Variants in PTPN3 observed in about 807,000 individuals in gnomAD.
The protein encoded by PTPN3 is tyrosine-protein phosphatase non-receptor type 3.
PTPN3 carries 96 observed loss-of-function variants against 132.7 expected under a neutral mutation model. That is an observed-to-expected ratio of 0.72 (90% confidence interval 0.61 to 0.86). The LOEUF (loss-of-function observed/expected upper bound fraction) is 0.86, where lower values mean the gene tolerates loss of function less well. PTPN3 is among the 40% of genes least tolerant of loss of function. PTPN3 has a pLI of 0.00. For synonymous variants in PTPN3, 398 were observed against 429.0 expected, an observed-to-expected ratio of 0.93 and a Z score of 0.89; for missense variants, 1,125 against 1,159.6, an observed-to-expected ratio of 0.97 and a Z score of 0.43.
At chr9:109,459,591 G>A (rs1472173326) in intron 2 of PTPN3, among the ~76,000 whole-genome samples, 2 of 152,058 alleles carry the variant, frequency 1.3e-5, no homozygotes, top group Non-Finnish European at 2.9e-5. Flanking sequence ...TTGCTCCACT[G>A]CCCCTGCTGG....
At chr9:109,525,485 A>G in the PTPN3 span, among the ~76,000 whole-genome samples, 2 of 152,216 alleles carry the variant, frequency 1.3e-5, no homozygotes, top group Admixed American at 1.3e-4. Flanking sequence ...AAGATACCCA[A>G]TGCCAGGGCT....
At chr9:109,479,048 C>T (rs12380233) in intron 1 of PTPN3, among the ~76,000 whole-genome samples, 30,477 of 150,156 alleles carry the variant, frequency 0.2, 3,511 homozygotes, top group South Asian at 0.4. Context: ...TAGGACCTAA[C>T]GCTTGCCATT....
At chr9:109,419,545 C>T (rs1842750228) in intron 14 of PTPN3, among the ~76,000 whole-genome samples, 1 of 152,028 alleles carries the variant, frequency 6.6e-6, no homozygotes, top group Non-Finnish European at 1.5e-5. Flanking sequence ...TAATCTATGT[C>T]TTACCTACTT....
At chr9:109,413,184 G>C (rs1035873606) in intron 14 of PTPN3, among the ~76,000 whole-genome samples, 1 of 150,768 alleles carries the variant, frequency 6.6e-6, no homozygotes, top group African/African-American at 2.4e-5. Flanking sequence ...TCGATCTCTT[G>C]ACCTTGTGAT....
At chr9:109,382,063 G>A (rs1481070275) in intron 24 of PTPN3, among the ~76,000 whole-genome samples, 1 of 152,218 alleles carries the variant, frequency 6.6e-6, no homozygotes, top group East Asian at 1.9e-4. Context: ...GCTGACAGAA[G>A]GACAGGAGAA....
chr9:109,534,803 A>AAAACAAACAAAC, the PTPN3 span, among the ~76,000 whole-genome samples: 690 of 150,666 alleles, frequency 4.6e-3, 3 homozygotes, highest in South Asian at 0.011. Flanking sequence ...ACTCCGTCTC[A>AAAACAAACAAAC]AAACAAACAA....
At chr9:109,381,185 C>T (rs1839045152) in intron 25 of PTPN3, among the ~76,000 whole-genome samples, 1 of 152,170 alleles carries the variant, frequency 6.6e-6, no homozygotes, top group Admixed American at 6.5e-5. Context: ...GGGAAATCCC[C>T]AAGAGTTATC....
intron 23 of PTPN3, among the ~76,000 whole-genome samples, chr9:109,382,880 A>G (rs1564370388): frequency 6.6e-6 from 1 of 151,374 alleles, no homozygotes; most frequent in Non-Finnish European, 1.5e-5. Context: ...AGCACTACCT[A>G]TTTCCAGAAC....
At chr9:109,447,512 G>A (rs1844942558) in intron 6 of PTPN3, among the ~76,000 whole-genome samples, 1 of 152,050 alleles carries the variant, frequency 6.6e-6, no homozygotes, top group Non-Finnish European at 1.5e-5. Flanking sequence ...CTGGGGAAGT[G>A]ACTCATTCCT....
upstream of PTPN3, among the ~76,000 whole-genome samples, chr9:109,498,796 C>G (rs1346714445): frequency 6.6e-6 from 1 of 152,176 alleles, no homozygotes; most frequent in African/African-American, 2.4e-5. The surrounding 1 kb of genome is among the most constrained non-coding windows in gnomAD (Gnocchi z 4.2). Context: ...CACCTGCCTT[C>G]CTGCGGATCC....
At position 109,383,416 on chromosome 9, in the gene PTPN3, G is replaced by T. The variant is rs754617584; in HGVS notation, c.2382+7C>A. The T allele has an allele frequency of 4.3e-6, 7 of 1,613,680 alleles. No individual in the cohort carries two copies. Among genetic ancestry groups the T allele is most frequent in the South Asian group, 1.1e-5 (1 of 91,052 alleles). The stretch of plus-strand genomic sequence containing the variant: ...CCCTCCACCGTGCCCCTCAGGCTGC[G>T]GCTCACCTGGGTGTTTGTGACCAGC... On this transcript the variant is annotated splice_region_variant and intron_variant, in intron 23 of 25. Coordinates refer to ENST00000374541, the MANE Select transcript of PTPN3 (RefSeq NM_002829.4).
At chr9:109,406,337 G>T in intron 18 of PTPN3, 125 bp downstream of exon 18, 1 of 1,270,176 alleles carries the variant, frequency 7.9e-7, no homozygotes, top group Non-Finnish European at 1.1e-6. Context: ...GTTATTACCT[G>T]AAGATTCTTG....
In PTPN3 at chr9:109,420,552, A is replaced by C; in HGVS notation, c.1185T>G (p.Ser395=). ...TCATTTCATTTGCAAGGTTATCTGCAGAAGAGTGGCGTGGCTTTCGGATTT... is the reference window on the plus strand; with the variant it reads ...TCATTTCATTTGCAAGGTTATCTGCCGAAGAGTGGCGTGGCTTTCGGATTT... The part of the protein sequence containing the change: ...RHEIRKPRHS[S]ADNLANEMTY... Residue 395 remains serine (S), a synonymous_variant, in exon 14 of 26, where the codon TCT becomes TCG. Coordinates refer to ENST00000374541, the MANE Select transcript of PTPN3 (RefSeq NM_002829.4). The C allele has an allele frequency of 6.2e-7, 1 of 1,612,864 alleles. No homozygotes were observed. The highest frequency in any genetic ancestry group is 8.5e-7 in the Non-Finnish European group (1 of 1,179,752).
intron 2 of PTPN3, among the ~76,000 whole-genome samples, chr9:109,461,318 A>G (rs778678762): frequency 5.9e-5 from 9 of 152,190 alleles, no homozygotes; most frequent in Non-Finnish European, 1.3e-4. Context: ...GTTTCAAAAC[A>G]CCCAGGCAGG....
intron 1 of PTPN3, among the ~76,000 whole-genome samples, chr9:109,463,906 C>T (rs991212986): frequency 3.3e-5 from 5 of 152,030 alleles, no homozygotes; most frequent in African/African-American, 7.3e-5. Flanking sequence ...AAAAGGCAAC[C>T]GATAGAGTGG....
intron 5 of PTPN3, 198 bp from the exon 6 acceptor site, chr9:109,449,053 C>T (rs1588445669): frequency 7.2e-7 from 1 of 1,394,322 alleles, no homozygotes. Context: ...ATGTTGATGC[C>T]CTACGTCTTG....
intron 1 of PTPN3, among the ~76,000 whole-genome samples, chr9:109,483,417 G>A (rs530941796): frequency 2.0e-5 from 3 of 152,238 alleles, no homozygotes; most frequent in South Asian, 2.1e-4. Flanking sequence ...TGTGAGGCAG[G>A]TGCTGGGGTA....
chr9:109,530,012 G>GCC, the PTPN3 span, among the ~76,000 whole-genome samples: 19 of 152,064 alleles, frequency 1.2e-4, 1 homozygote, highest in Non-Finnish European at 1.5e-5. Flanking sequence ...GCCTCCCAAA[G>GCC]CACTGGGATT....
chr9:109,534,298 G>T, the PTPN3 span: 1 of 1,532,008 alleles, frequency 6.5e-7, no homozygotes, highest in Non-Finnish European at 8.7e-7. Context: ...GCGGCAAGCG[G>T]CGGGCGGCTG....
Sources: allele counts gnomAD v4.1 joint callset (sites outside exome capture counted in the v4.1 genomes callset), GRCh38; gene constraint gnomAD v4.1.1; non-coding constraint Gnocchi (gnomAD v3.1); transcripts MANE v1.5; gene names NCBI Gene and HGNC (gene_info 2026-07-23, HGNC 2026-07-21).